Variants in TTLL5 observed in about 807,000 individuals in gnomAD.
TTLL5 encodes tubulin tyrosine ligase like 5, also known as tubulin polyglutamylase TTLL5.
TTLL5 carries 132 observed loss-of-function variants against 168.4 expected under a neutral mutation model. The ratio of observed to expected loss-of-function variants is 0.78; its 90% CI spans 0.68 to 0.91. TTLL5 has a LOEUF of 0.91. TTLL5 is among the 40% of genes least tolerant of loss of function. The probability of loss-of-function intolerance (pLI) is 0.00; values close to 1 mark genes in which losing one functional copy is unlikely to be tolerated. For missense variants in TTLL5, 1,545 were observed against 1,581.5 expected, an observed-to-expected ratio of 0.98 and a Z score of 0.39; for synonymous variants, 546 against 558.6, an observed-to-expected ratio of 0.98 and a Z score of 0.32.
At chr14:75,876,627 A>G (rs576375295) in intron 29 of TTLL5, among the ~76,000 whole-genome samples, 7 of 152,200 alleles carry the variant, frequency 4.6e-5, no homozygotes, top group Non-Finnish European at 1.0e-4. Context: ...TTGCTGTCCC[A>G]TTCCTATTGG....
intron 28 of TTLL5, among the ~76,000 whole-genome samples, chr14:75,862,434 C>T (rs1346345268): frequency 1.1e-4 from 17 of 152,216 alleles, no homozygotes; most frequent in Admixed American, 1.0e-3. Flanking sequence ...TACCATTTTA[C>T]TTTCCCACCA....
intron 27 of TTLL5, among the ~76,000 whole-genome samples, chr14:75,815,535 A>G (rs1408807844): frequency 1.3e-5 from 2 of 152,198 alleles, no homozygotes; most frequent in Admixed American, 6.5e-5. Context: ...AAGAAACAAA[A>G]CTGGCCGAGG....
chr14:75,765,610 C>T (rs945147681), intron 19 of TTLL5, among the ~76,000 whole-genome samples: 48 of 152,216 alleles, frequency 3.2e-4, no homozygotes, highest in African/African-American at 1.0e-3. Flanking sequence ...TGCCTGTAAT[C>T]CCAGCACTTT....
chr14:75,773,048 C>A (rs1464503998), intron 21 of TTLL5, among the ~76,000 whole-genome samples: 1 of 152,144 alleles, frequency 6.6e-6, no homozygotes, highest in East Asian at 1.9e-4. Flanking sequence ...CTTTGTTCCA[C>A]TCAGTGGTGA....
intron 30 of TTLL5, among the ~76,000 whole-genome samples, chr14:75,899,279 C>T (rs1476670961): frequency 6.6e-6 from 1 of 152,186 alleles, no homozygotes; most frequent in Non-Finnish European, 1.5e-5. Context: ...GTAAATATTT[C>T]CTAAAACACA....
In TTLL5 at chr14:75,699,241, A is replaced by C. The variant is rs1566818898; in HGVS notation, c.556A>C (p.Arg186=). 6.2e-7 allele frequency: 1 copy of C among 1,613,988 alleles called. No homozygotes were observed. Among genetic ancestry groups the C allele is most frequent in the Non-Finnish European group, 8.5e-7 (1 of 1,179,942 alleles). The change falls in exon 7 of 32, where the codon AGG becomes CGG. Residue 186 remains arginine, a synonymous_variant. Coordinates refer to ENST00000298832, the MANE Select transcript of TTLL5 (RefSeq NM_015072.5). ...GATAGTAAAACCAGTGGCATCTTCA[A>C]GGGGGCGGGGCGTCTACCTGATCAA... The part of the protein sequence containing the change: ...PWIVKPVASS[R]GRGVYLINNP...
chr14:75,857,737 C>T (rs1317293031), intron 28 of TTLL5, among the ~76,000 whole-genome samples: 2 of 151,568 alleles, frequency 1.3e-5, no homozygotes, highest in African/African-American at 2.4e-5. Flanking sequence ...CTGCAACCTC[C>T]GCCTCCCAGG....
chr14:75,863,926 A>AAAAAGAAAAG (rs1555352365), intron 29 of TTLL5, 64 bp downstream of exon 29: 9 of 1,257,814 alleles, frequency 7.2e-6, no homozygotes, highest in South Asian at 1.7e-5. Context: ...AAAAAAAAAA[A>AAAAAGAAAAG]AAAAAAAAGG....
intron 27 of TTLL5, among the ~76,000 whole-genome samples, chr14:75,814,303 G>A (rs1362786872): frequency 4.6e-5 from 7 of 152,126 alleles, no homozygotes; most frequent in Admixed American, 3.9e-4. Context: ...AAATTATTTA[G>A]CAATGAAATG....
chr14:75,861,171 A>T (rs1352114412), intron 28 of TTLL5, among the ~76,000 whole-genome samples: 1 of 77,352 alleles, frequency 1.3e-5, no homozygotes, highest in Non-Finnish European at 3.0e-5. Context: ...ATGGTATACA[A>T]TTGAGCAACT....
chr14:75,874,077 T>TGG (rs2031264286), intron 29 of TTLL5, among the ~76,000 whole-genome samples: 1 of 7,692 alleles, frequency 1.3e-4, no homozygotes, highest in African/African-American at 1.5e-3. Flanking sequence ...ATGGTTATTC[T>TGG]TTATTTATTT....
intron 30 of TTLL5, 152 bp from the exon 31 acceptor site, chr14:75,901,989 TG>T: frequency 1.5e-6 from 1 of 655,626 alleles, no homozygotes; most frequent in Non-Finnish European, 2.7e-6. Context: ...GAGTCTTCTC[TG>T]ATAAGGTGAC....
intron 9 of TTLL5, 184 bp from the exon 10 acceptor site, chr14:75,717,677 T>G: frequency 1.7e-6 from 1 of 572,472 alleles, no homozygotes; most frequent in Non-Finnish European, 3.1e-6. Context: ...TAGGGTTGCT[T>G]TAAGGATTGA....
At position 75,815,548 on chromosome 14, in the gene TTLL5, G is replaced by A. The variant is rs145096096; in HGVS notation, c.3172-4459G>A. Among the ~76,000 whole-genome samples the A allele has an allele frequency of 4.5e-3, 683 of 152,240 alleles. 6 individuals are homozygous for A. The highest frequency in any genetic ancestry group is 0.016 in the African/African-American group (661 of 41,542). ...CCAAGAAACAAAACTGGCCGAGGAT[G>A]TTTTTCTTTGTTTTACTTCTTTAAT... On this transcript the variant is annotated intron_variant, in intron 27 of 31. Transcript: ENST00000298832.
Position 75,767,551 on chromosome 14 carries a change from C to T in TTLL5, c.2015+1183C>T, listed in dbSNP as rs28572528. On this transcript the variant is annotated intron_variant, in intron 20 of 31. Coordinates refer to ENST00000298832, the MANE Select transcript of TTLL5 (RefSeq NM_015072.5). Reference sequence around the variant, plus strand: ...ATAGCAAGTACAAAAGCCCAGACATCGTAATGAGCTTGGTGTGTTTACAAA... The same window carrying T: ...ATAGCAAGTACAAAAGCCCAGACATTGTAATGAGCTTGGTGTGTTTACAAA... Among the ~76,000 whole-genome samples, 1,006 of 152,194 alleles carry T rather than the reference C, an allele frequency of 6.6e-3. 11 individuals are homozygous for T. The highest frequency in any genetic ancestry group is 0.023 in the African/African-American group (972 of 41,504).
At chr14:75,683,996 A>C in intron 5 of TTLL5, 3 of 221,542 alleles carry the variant, frequency 1.4e-5, no homozygotes, top group East Asian at 1.3e-4. Flanking sequence ...CTGGTCTCAA[A>C]CTCCTGACCT....
chr14:75,730,725 C>T (rs1196618257), intron 12 of TTLL5, among the ~76,000 whole-genome samples: 1 of 151,790 alleles, frequency 6.6e-6, no homozygotes, highest in Admixed American at 6.6e-5. Context: ...ACTAAGGTCT[C>T]TAGATTCCCA....
At chr14:75,665,537 C>A (rs1044628264) in intron 2 of TTLL5, among the ~76,000 whole-genome samples, 4 of 152,176 alleles carry the variant, frequency 2.6e-5, no homozygotes, top group Admixed American at 2.0e-4. Flanking sequence ...TCTTAAACTA[C>A]TATAACTTAG....
At chr14:75,774,646 C>A (rs1891609751) in intron 21 of TTLL5, among the ~76,000 whole-genome samples, 1 of 152,034 alleles carries the variant, frequency 6.6e-6, no homozygotes. Flanking sequence ...GACATGGAAC[C>A]CTTTCTTCAG....
Sources: allele counts gnomAD v4.1 joint callset (sites outside exome capture counted in the v4.1 genomes callset), GRCh38; gene constraint gnomAD v4.1.1; transcripts MANE v1.5; gene names NCBI Gene and HGNC (gene_info 2026-07-23, HGNC 2026-07-21).